CSMD1: variants seen among roughly 807,000 people sequenced by gnomAD.
CSMD1 encodes CUB and sushi domain-containing protein 1.
Under a neutral mutation model 417.5 loss-of-function variants are expected in CSMD1, and 213 were observed. The observed-to-expected ratio is 0.51, with a 90% CI of 0.46 to 0.57. The LOEUF (loss-of-function observed/expected upper bound fraction) is 0.57. Ranked by LOEUF, CSMD1 falls within the 20% of genes least tolerant of loss-of-function variation. The pLI, the probability that CSMD1 is intolerant of heterozygous loss-of-function variation, is 0.00. For missense variants in CSMD1, 6,923 were observed against 4,529.7 expected, an observed-to-expected ratio of 1.53 and a Z score of -15.17; for synonymous variants, 2,862 against 1,736.8, an observed-to-expected ratio of 1.65 and a Z score of -16.11.
At chr8:4,991,775 C>T (rs907940439) in intron 1 of CSMD1, among the ~76,000 whole-genome samples, 1 of 152,188 alleles carries the variant, frequency 6.6e-6, no homozygotes, top group Non-Finnish European at 1.5e-5. Flanking sequence ...AGCGCACAAA[C>T]GGCGACTCCG....
At chr8:4,656,156 G>C (rs1002218824) in intron 1 of CSMD1, among the ~76,000 whole-genome samples, 1 of 152,000 alleles carries the variant, frequency 6.6e-6, no homozygotes, top group African/African-American at 2.4e-5. Context: ...AAGGATTAAA[G>C]GGAATGAGGG....
intron 7 of CSMD1, among the ~76,000 whole-genome samples, chr8:3,631,009 G>C (rs1192800668): frequency 1.3e-5 from 2 of 152,258 alleles, no homozygotes; most frequent in South Asian, 2.1e-4. Context: ...TCAGCACCAT[G>C]TTGAACCCTT....
Position 3,997,889 on chromosome 8 carries a change from T to C in CSMD1, c.818+14A>G, listed in dbSNP as rs191082189. 72 of 1,606,856 alleles carry C rather than the reference T, an allele frequency of 4.5e-5. No homozygotes were observed. In the African/African-American group the frequency reaches 8.5e-4, roughly 19 times the overall value. On this transcript the variant is annotated intron_variant, in intron 5 of 69. Coordinates refer to ENST00000635120, the MANE Select transcript of CSMD1 (RefSeq NM_033225.6). ...ACACCTGTATCCTTTGTGGCATCTC[T>C]TCCCGGGACTTACCATATGGATGGA...
chr8:4,979,496 G>C (rs995395993), intron 1 of CSMD1, among the ~76,000 whole-genome samples: 2 of 152,124 alleles, frequency 1.3e-5, no homozygotes, highest in Non-Finnish European at 2.9e-5. Flanking sequence ...TGAAAGCTAA[G>C]GGAAATTATT....
At position 4,911,825 on chromosome 8, in the gene CSMD1, G is replaced by A. The variant is rs950950212; in HGVS notation, c.85+82507C>T. On this transcript the variant is annotated intron_variant, in intron 1 of 69. Transcript: ENST00000635120. ...ATTGGAGTTGCTCATTAAACTTCAC[G>A]GTGTTTTCTCATTTCTCTCCAAATA... Among the ~76,000 whole-genome samples, 5 of 151,822 alleles carry A rather than the reference G, an allele frequency of 3.3e-5. No individual in the cohort carries two copies. In the East Asian group the frequency reaches 5.8e-4, roughly 18 times the overall value.
At chr8:3,032,325 C>T (rs1585191611) in intron 50 of CSMD1, among the ~76,000 whole-genome samples, 1 of 151,712 alleles carries the variant, frequency 6.6e-6, no homozygotes, top group Admixed American at 6.6e-5. Context: ...TAATATAAAC[C>T]AAGAGGATGC....
chr8:4,708,141 G>C (rs900735522), intron 1 of CSMD1, among the ~76,000 whole-genome samples: 17 of 151,830 alleles, frequency 1.1e-4, no homozygotes, highest in Non-Finnish European at 2.4e-4. Context: ...TTTTTGTAGA[G>C]ATGGAGTTTT....
At chr8:4,123,966 G>C (rs925331750) in intron 3 of CSMD1, among the ~76,000 whole-genome samples, 2 of 151,874 alleles carry the variant, frequency 1.3e-5, no homozygotes, top group African/African-American at 4.8e-5. Flanking sequence ...CTGGAAAAAA[G>C]TTTCTGATGT....
chr8:4,890,436 C>A (rs528206214), intron 1 of CSMD1, among the ~76,000 whole-genome samples: 8 of 151,232 alleles, frequency 5.3e-5, no homozygotes, highest in Admixed American at 1.3e-4. Flanking sequence ...GACACCCTCC[C>A]GCAGGACAGG....
At chr8:3,634,478 G>C (rs1472950871) in intron 7 of CSMD1, among the ~76,000 whole-genome samples, 1 of 152,194 alleles carries the variant, frequency 6.6e-6, no homozygotes, top group African/African-American at 2.4e-5. Context: ...TCTACTGGGA[G>C]TGGACAACCG....
chr8:3,902,425 C>T (rs1807817967), intron 5 of CSMD1, among the ~76,000 whole-genome samples: 1 of 152,014 alleles, frequency 6.6e-6, no homozygotes, highest in South Asian at 2.1e-4. Context: ...ATCTTTTTTG[C>T]TACCAGGGAC....
intron 1 of CSMD1, among the ~76,000 whole-genome samples, chr8:4,911,781 C>G (rs1172850183): frequency 6.6e-6 from 1 of 152,010 alleles, no homozygotes; most frequent in Non-Finnish European, 1.5e-5. Flanking sequence ...ATAGAAGCCG[C>G]CAGATCAATC....
intron 7 of CSMD1, among the ~76,000 whole-genome samples, chr8:3,663,501 A>G (rs1003843940): frequency 1.3e-5 from 2 of 152,154 alleles, no homozygotes; most frequent in Non-Finnish European, 2.9e-5. Flanking sequence ...TCAGGGCCCC[A>G]AAATCACTGA....
intron 38 of CSMD1, among the ~76,000 whole-genome samples, chr8:3,160,772 C>T (rs1185118379): frequency 1.3e-5 from 2 of 152,340 alleles, no homozygotes; most frequent in East Asian, 1.9e-4. Context: ...TGAAAGCATA[C>T]ATCACATGGT....
intron 3 of CSMD1, among the ~76,000 whole-genome samples, chr8:4,277,825 G>T (rs945750383): frequency 1.3e-5 from 2 of 152,086 alleles, no homozygotes; most frequent in South Asian, 4.1e-4. Context: ...TCGGTTCACT[G>T]CAAGGTCTGC....
Position 3,387,615 on chromosome 8 carries a change from T to C in CSMD1, c.2661A>G (p.Gly887=). The C allele has an allele frequency of 3.7e-6, 6 of 1,601,598 alleles. No individual in the cohort carries two copies. Among genetic ancestry groups the C allele is most frequent in the Non-Finnish European group, 5.1e-6 (6 of 1,174,012 alleles). ...GIPVNGHRHG[G]DFGIRSTVTF... ...TCACTGTGGACCTGATGCCAAAGTCTCCACCGTGGCGATGGCCGTTCACAG... is the reference window on the plus strand; with the variant it reads ...TCACTGTGGACCTGATGCCAAAGTCCCCACCGTGGCGATGGCCGTTCACAG... The change falls in exon 18 of 70, where the codon GGA becomes GGG. Residue 887 remains glycine, a synonymous_variant. Transcript: ENST00000635120.
chr8:3,165,668 G>C (rs1302718782), intron 37 of CSMD1, among the ~76,000 whole-genome samples: 2 of 151,980 alleles, frequency 1.3e-5, no homozygotes, highest in South Asian at 2.1e-4. Flanking sequence ...TCCTGACCTC[G>C]TGATCCACCT....
chr8:4,970,187 T>C (rs979505111), intron 1 of CSMD1, among the ~76,000 whole-genome samples: 3 of 152,028 alleles, frequency 2.0e-5, no homozygotes, highest in African/African-American at 7.2e-5. Flanking sequence ...GAGGGAGAAC[T>C]TGACTTCAGA....
chr8:2,979,675 T>G (rs933162974), intron 54 of CSMD1, among the ~76,000 whole-genome samples: 3 of 152,202 alleles, frequency 2.0e-5, no homozygotes, highest in East Asian at 1.9e-4. Context: ...ACCCAAACTG[T>G]GCGTTTTATT....
Sources: gnomAD v4.1 joint callset for allele counts (sites outside exome capture counted in the v4.1 genomes callset) on GRCh38, gnomAD v4.1.1 for gene constraint, MANE v1.5 for transcripts, NCBI Gene and HGNC (gene_info 2026-07-23, HGNC 2026-07-21) for gene names.